TBCK: variants seen among roughly 807,000 people sequenced by gnomAD.
TBCK encodes TBC domain-containing protein kinase-like protein.
TBCK carries 99 observed loss-of-function variants against 113.4 expected under a neutral mutation model. That is an observed-to-expected ratio of 0.87 (90% CI 0.74 to 1.03). TBCK has a LOEUF of 1.03. Ranked by LOEUF, TBCK falls within the 50% of genes least tolerant of loss-of-function variation. The pLI is 0.00. For synonymous variants in TBCK, 369 were observed against 370.8 expected (o/e 1.00, Z 0.05); for missense variants, 1,045 against 1,061.3 (o/e 0.98, Z 0.21).
chr4:106,093,076 G>A (rs902975697), intron 25 of TBCK, among the ~76,000 whole-genome samples: 2 of 152,238 alleles, frequency 1.3e-5, no homozygotes, highest in African/African-American at 4.8e-5. Flanking sequence ...TATTGAGATT[G>A]TTCTCTGTTG....
At chr4:106,105,216 C>A (rs1295699846) in intron 24 of TBCK, among the ~76,000 whole-genome samples, 1 of 152,182 alleles carries the variant, frequency 6.6e-6, no homozygotes, top group Non-Finnish European at 1.5e-5. Context: ...CCACACACTC[C>A]CCAAAACTCA....
chr4:106,049,331 G>C (rs1422470460), intron 25 of TBCK, among the ~76,000 whole-genome samples: 4 of 152,000 alleles, frequency 2.6e-5, no homozygotes, highest in African/African-American at 9.7e-5. Context: ...TAGCAGTCCA[G>C]AGATAATAAG....
At chr4:106,215,852 T>G (rs1029083604) in intron 19 of TBCK, among the ~76,000 whole-genome samples, 2 of 151,814 alleles carry the variant, frequency 1.3e-5, no homozygotes, top group African/African-American at 2.4e-5. Context: ...AACTCAGCTC[T>G]GCACCAAGCG....
At chr4:106,295,210 A>C (rs1488453908) in intron 2 of TBCK, 44 bp from the exon 3 acceptor site, 1 of 1,575,878 alleles carries the variant, frequency 6.3e-7, no homozygotes, top group South Asian at 1.1e-5. Context: ...TATCAATACA[A>C]CATGTTAAAA....
intron 25 of TBCK, among the ~76,000 whole-genome samples, chr4:106,087,875 C>A (rs1363250481): frequency 3.9e-5 from 6 of 152,200 alleles, no homozygotes; most frequent in Non-Finnish European, 7.3e-5. Flanking sequence ...GTAAATGGTG[C>A]TGGGAAGACT....
intron 25 of TBCK, among the ~76,000 whole-genome samples, chr4:106,057,507 C>G (rs1195108836): frequency 6.6e-6 from 1 of 151,726 alleles, no homozygotes; most frequent in Non-Finnish European, 1.5e-5. Flanking sequence ...TCAAGGTCCT[C>G]TATCATAATC....
intron 19 of TBCK, among the ~76,000 whole-genome samples, chr4:106,223,832 T>C (rs1757958318): frequency 6.6e-6 from 1 of 152,150 alleles, no homozygotes; most frequent in South Asian, 2.1e-4. Context: ...CTGCAAGTTA[T>C]AAACTTGTTT....
At chr4:106,202,254 T>A (rs1055675222) in intron 20 of TBCK, among the ~76,000 whole-genome samples, 3 of 151,928 alleles carry the variant, frequency 2.0e-5, no homozygotes, top group Admixed American at 2.0e-4. Context: ...GTATAAAATA[T>A]TTTATTTATC....
At chr4:106,123,972 A>G (rs1426441520) in intron 23 of TBCK, among the ~76,000 whole-genome samples, 1 of 151,546 alleles carries the variant, frequency 6.6e-6, no homozygotes, top group African/African-American at 2.4e-5. Context: ...CACCAAAAGC[A>G]ATGGCAACAA....
At chr4:106,309,838 T>C (rs1459700470) in intron 1 of TBCK, 1 of 152,236 alleles carries the variant, frequency 6.6e-6, no homozygotes, top group Non-Finnish European at 1.5e-5. Context: ...TCTGCTTTAA[T>C]CCTTTTAATA....
At chr4:106,129,165 G>T (rs534531415) in intron 23 of TBCK, among the ~76,000 whole-genome samples, 77 of 152,234 alleles carry the variant, frequency 5.1e-4, no homozygotes, top group African/African-American at 1.6e-3. Flanking sequence ...CAATTTCCAG[G>T]ATACATGTGC....
chr4:106,187,313 A>G (rs1753135342), intron 22 of TBCK, among the ~76,000 whole-genome samples: 1 of 152,150 alleles, frequency 6.6e-6, no homozygotes. Context: ...CACTGAATCT[A>G]TAAATTCCTT....
chr4:106,051,381 G>A (rs568661944), intron 25 of TBCK, among the ~76,000 whole-genome samples: 8 of 151,906 alleles, frequency 5.3e-5, no homozygotes, highest in Non-Finnish European at 1.2e-4. Context: ...CCCTGACAAA[G>A]CTCAAACAGA....
intron 17 of TBCK, among the ~76,000 whole-genome samples, chr4:106,232,377 G>C (rs1465189085): frequency 1.3e-5 from 2 of 151,588 alleles, no homozygotes; most frequent in Admixed American, 1.3e-4. Flanking sequence ...AAGAAATAGA[G>C]AACTGAAATA....
At chr4:106,085,477 A>G (rs1739391845) in intron 25 of TBCK, among the ~76,000 whole-genome samples, 1 of 152,230 alleles carries the variant, frequency 6.6e-6, no homozygotes, top group African/African-American at 2.4e-5. Flanking sequence ...AAGTTCTTAC[A>G]GACCTACAAA....
intron 25 of TBCK, among the ~76,000 whole-genome samples, chr4:106,059,837 A>G (rs758158144): frequency 6.6e-6 from 1 of 151,816 alleles, no homozygotes; most frequent in African/African-American, 2.4e-5. Context: ...TTGTGAATGC[A>G]AAGGAAAAAT....
chr4:106,206,115 A>G (rs1341514753), intron 20 of TBCK, among the ~76,000 whole-genome samples: 1 of 152,210 alleles, frequency 6.6e-6, no homozygotes, highest in African/African-American at 2.4e-5. Context: ...GAGGTCCTCA[A>G]TAATTTTTCA....
At chr4:106,096,790 T>A (rs1740967471) in intron 24 of TBCK, among the ~76,000 whole-genome samples, 1 of 152,230 alleles carries the variant, frequency 6.6e-6, no homozygotes, top group Non-Finnish European at 1.5e-5. Context: ...ATGCTCAGAC[T>A]GTGTTAAGCT....
At chr4:106,296,905 G>A (rs1294552596) in intron 2 of TBCK, among the ~76,000 whole-genome samples, 6 of 152,066 alleles carry the variant, frequency 3.9e-5, no homozygotes, top group Non-Finnish European at 5.9e-5. Flanking sequence ...AAAGAAAAGC[G>A]TATGCAAAGG....
Sources: gnomAD v4.1 joint callset for allele counts (sites outside exome capture counted in the v4.1 genomes callset) on GRCh38, gnomAD v4.1.1 for gene constraint, MANE v1.5 for transcripts, NCBI Gene and HGNC (gene_info 2026-07-23, HGNC 2026-07-21) for gene names.